The following SPTBN1 variants were observed in gnomAD, a reference collection of about 807,000 sequenced individuals.
The protein encoded by SPTBN1 is spectrin beta chain, non-erythrocytic 1.
In SPTBN1, 32 loss-of-function variants were observed where a neutral mutation model predicts 266.4. That is an observed-to-expected ratio of 0.12 (90% CI 0.09 to 0.16). The LOEUF (loss-of-function observed/expected upper bound fraction) is 0.16. Among genes scored for constraint, SPTBN1 ranks in the 10% least tolerant of loss-of-function variants. The pLI is 1.00. For missense variants in SPTBN1, 2,296 were observed against 3,067.1 expected, an observed-to-expected ratio of 0.75 and a Z score of 5.94; for synonymous variants, 1,336 against 1,162.2, an observed-to-expected ratio of 1.15 and a Z score of -3.04.
chr2:54,649,141 A>G lies in SPTBN1; in HGVS notation c.5153A>G (p.Glu1718Gly). 6.2e-7 allele frequency: 1 copy of G among 1,611,958 alleles called. No homozygotes were observed. Among genetic ancestry groups the G allele is most frequent in the Non-Finnish European group, 8.5e-7 (1 of 1,178,622 alleles). ...DDLEQWIAER[E>G]VVAGSHELGQ... ...CTGGAGCAGTGGATCGCTGAGAGGG[A>G]GGTGGTCGCAGGGTCCCATGAACTG... The change falls in exon 25 of 36, where the codon GAG (glutamate) becomes GGG (glycine). Residue 1718 changes from glutamate to glycine, a missense_variant. Physicochemically the swap from Glu to Gly is moderately conservative, Grantham distance 98. Coordinates refer to ENST00000356805, the MANE Select transcript of SPTBN1 (RefSeq NM_003128.3). The surrounding 1 kb of genome is among the most constrained non-coding windows in gnomAD (Gnocchi z 6.7).
intron 19 of SPTBN1, 60 bp downstream of exon 19, chr2:54,643,189 C>CT: frequency 6.3e-7 from 1 of 1,598,766 alleles, no homozygotes; most frequent in Non-Finnish European, 8.5e-7. Context: ...TAATAAACTC[C>CT]TTTTTATTTA....
intron 14 of SPTBN1, 30 bp from the exon 15 acceptor site, chr2:54,629,840 TGTGACCACCAGTGGCCCAGGAG>T (rs758167093): frequency 6.2e-7 from 1 of 1,612,588 alleles, no homozygotes. Flanking sequence ...GCCTGTTCCT[TGTGACCACCAGTGGCCCAGGAG>T]GTGACCACCC....
chr2:54,486,582 GT>G (rs1383956195), intron 1 of SPTBN1, among the ~76,000 whole-genome samples: 5 of 152,092 alleles, frequency 3.3e-5, no homozygotes, highest in Non-Finnish European at 7.3e-5. Context: ...CACAAATACT[GT>G]GGAAGGCAGC....
intron 1 of SPTBN1, among the ~76,000 whole-genome samples, chr2:54,480,189 G>C (rs1016617972): frequency 6.6e-6 from 1 of 152,138 alleles, no homozygotes; most frequent in Non-Finnish European, 1.5e-5. Flanking sequence ...ATCAGGTTGT[G>C]TGTAATTAGC....
chr2:54,598,746 C>T (rs1676270964), intron 2 of SPTBN1, among the ~76,000 whole-genome samples: 1 of 152,212 alleles, frequency 6.6e-6, no homozygotes, highest in Admixed American at 6.5e-5. Flanking sequence ...GCTGCCTCTT[C>T]AGCAGGGATG....
chr2:54,653,571 A>G lies in SPTBN1; in HGVS notation c.5578-38A>G, dbSNP rs369100364. The G allele has an allele frequency of 1.6e-5, 25 of 1,603,140 alleles. No homozygotes were observed. Among genetic ancestry groups the G allele is most frequent in the African/African-American group, 8.1e-5 (6 of 74,232 alleles). ...TTGGGGTGATGGTGGGAAGGCCGCC[A>G]TGGGCTGACCTGGCTCATCCCCTAC... is the stretch of plus-strand genomic sequence containing the variant. On this transcript the variant is annotated intron_variant, in intron 26 of 35. Transcript: ENST00000356805. This position sits in a 1 kb window ranked among gnomAD's most constrained non-coding sequence, Gnocchi z 5.1.
rs563377524 is a variant in SPTBN1 at position 54,636,190 on chromosome 2, C to T, written c.3768-1523C>T. 1.2e-4 allele frequency among the ~76,000 whole-genome samples: 19 copies of T among 152,102 alleles called. No individual in the cohort carries two copies. In the East Asian group the frequency reaches 3.7e-3, roughly 29 times the overall value. ...TTAGCATTATAGTATAATTATTTTTCTACGTTTGCATTTTGCCTATGTGGT... is the reference window on the plus strand; with the variant it reads ...TTAGCATTATAGTATAATTATTTTTTTACGTTTGCATTTTGCCTATGTGGT... On this transcript the variant is annotated intron_variant, in intron 17 of 35. Transcript: ENST00000356805.
chr2:54,549,063 G>T (rs1672414972), intron 2 of SPTBN1, among the ~76,000 whole-genome samples: 1 of 152,150 alleles, frequency 6.6e-6, no homozygotes. Flanking sequence ...CACTTTGGGA[G>T]GCCAAGAAGG....
intron 34 of SPTBN1, 110 bp downstream of exon 34, chr2:54,666,198 AT>A: frequency 1.7e-6 from 2 of 1,165,468 alleles, no homozygotes; most frequent in Non-Finnish European, 2.4e-6. Context: ...GTCTTCTGCC[AT>A]TTTAAATCCC....
intron 5 of SPTBN1, among the ~76,000 whole-genome samples, chr2:54,616,840 A>G (rs1677645745): frequency 6.6e-6 from 1 of 152,226 alleles, no homozygotes; most frequent in South Asian, 2.1e-4. Context: ...TTAAGGTCAT[A>G]GGTACTTACT....
chr2:54,558,866 G>A lies in SPTBN1; in HGVS notation c.148+32300G>A, dbSNP rs1457676493. On this transcript the variant is annotated intron_variant, in intron 2 of 35. Coordinates refer to ENST00000356805, the MANE Select transcript of SPTBN1 (RefSeq NM_003128.3). This position sits in a 1 kb window ranked among gnomAD's most constrained non-coding sequence, Gnocchi z 4.6. Reference sequence around the variant, plus strand: ...GCCTTACAACTACAACCAGCTGGAAGGCAGATTCAAGCAGCTGCAAGGTAA... The same window carrying A: ...GCCTTACAACTACAACCAGCTGGAAAGCAGATTCAAGCAGCTGCAAGGTAA... The A allele has an allele frequency of 6.8e-6, 11 of 1,613,712 alleles. No homozygotes were observed. The South Asian group carries it at 1.1e-4, about 16-fold the overall frequency.
At chr2:54,512,288 G>A (rs1221997422) in intron 1 of SPTBN1, among the ~76,000 whole-genome samples, 2 of 152,164 alleles carry the variant, frequency 1.3e-5, no homozygotes, top group African/African-American at 2.4e-5. Context: ...TTCCTTTCAA[G>A]TATCATAGGC....
intron 1 of SPTBN1, among the ~76,000 whole-genome samples, chr2:54,457,016 G>A (rs1158749919): frequency 6.6e-6 from 1 of 151,738 alleles, no homozygotes; most frequent in Non-Finnish European, 1.5e-5. Flanking sequence ...CGGTGACAGG[G>A]CCGGGCTCTG....
chr2:54,522,324 CACTT>C (rs1346270587), intron 1 of SPTBN1, among the ~76,000 whole-genome samples: 2 of 152,074 alleles, frequency 1.3e-5, no homozygotes, highest in Non-Finnish European at 2.9e-5. Flanking sequence ...CAAGAATTAT[CACTT>C]ACTTACTAAG....
In SPTBN1 at chr2:54,650,718, G is replaced by T. The variant is rs111733372; in HGVS notation, c.5577+729G>T. 2.0e-5 allele frequency among the ~76,000 whole-genome samples: 3 copies of T among 152,092 alleles called. No homozygotes were observed. In the East Asian group the frequency reaches 5.8e-4, roughly 29 times the overall value. On this transcript the variant is annotated intron_variant, in intron 26 of 35. Transcript: ENST00000356805. The stretch of plus-strand genomic sequence containing the variant: ...TGTTAAAGGCCAAATAGTGTTTTTC[G>T]CTTTATGAGATACATACTCTGTTGC...
chr2:54,458,150 T>A (rs998653720), intron 1 of SPTBN1, among the ~76,000 whole-genome samples: 14 of 152,262 alleles, frequency 9.2e-5, no homozygotes, highest in Non-Finnish European at 1.6e-4. Context: ...GACATTACAG[T>A]ACCTCGTCTG....
chr2:54,670,527 CT>C lies in SPTBN1; in HGVS notation c.*1961del. 3 of 395,600 alleles carry C rather than the reference CT, an allele frequency of 7.6e-6. No homozygotes were observed. In the East Asian group the frequency reaches 1.1e-4, roughly 14 times the overall value. The allele number at this position is 395,600 out of a possible 1,614,324, so 24.5% of individuals were successfully genotyped here. A position where few individuals can be genotyped will look rare whatever the true frequency, so the allele number is the denominator to read the frequency against. On this transcript the variant is annotated 3_prime_UTR_variant, in exon 36 of 36. Coordinates refer to ENST00000356805, the MANE Select transcript of SPTBN1 (RefSeq NM_003128.3). ...CTCTCCCCTGCTTCCCACGACAGTC[CT>C]TTGCCCTTGCCATGCTCAGGGTTGG...
intron 1 of SPTBN1, among the ~76,000 whole-genome samples, chr2:54,478,902 G>A (rs1287159732): frequency 1.4e-5 from 2 of 144,034 alleles, no homozygotes; most frequent in South Asian, 2.2e-4. Context: ...GAGTGTGTGT[G>A]TATATATATG....
chr2:54,581,474 T>C (rs1445995788), intron 2 of SPTBN1, among the ~76,000 whole-genome samples: 2 of 152,072 alleles, frequency 1.3e-5, no homozygotes, highest in Non-Finnish European at 2.9e-5. Context: ...TGGCTGACAT[T>C]GAACTTCCAC....
Sources: gnomAD v4.1 joint callset for allele counts (sites outside exome capture counted in the v4.1 genomes callset) on GRCh38, gnomAD v4.1.1 for gene constraint, Gnocchi (gnomAD v3.1) non-coding constraint, MANE v1.5 for transcripts, NCBI Gene and HGNC (gene_info 2026-07-23, HGNC 2026-07-21) for gene names.